SUPT3H: variants seen among roughly 807,000 people sequenced by gnomAD.
The protein encoded by SUPT3H is transcription initiation protein SPT3 homolog.
A neutral mutation model predicts 44.3 loss-of-function variants in SUPT3H; 44 were observed. The observed-to-expected ratio is 0.99, with a 90% CI of 0.78 to 1.28. The LOEUF is 1.28. SUPT3H is among the 50% of genes most tolerant of loss of function. The probability of loss-of-function intolerance (pLI) is 0.00; values close to 1 mark genes in which losing one functional copy is unlikely to be tolerated. For synonymous variants in SUPT3H, 124 were observed against 125.6 expected (o/e 0.99, Z 0.09); for missense variants, 380 against 387.1 (o/e 0.98, Z 0.15).
intron 10 of SUPT3H, among the ~76,000 whole-genome samples, chr6:44,901,257 A>T (rs899276218): frequency 1.3e-5 from 2 of 152,206 alleles, no homozygotes; most frequent in African/African-American, 4.8e-5. Flanking sequence ...CCCATGGCAA[A>T]GAAATTAAAA....
intron 2 of SUPT3H, among the ~76,000 whole-genome samples, chr6:45,120,930 T>C (rs1038668138): frequency 1.3e-5 from 2 of 152,088 alleles, no homozygotes; most frequent in Non-Finnish European, 2.9e-5. Context: ...ATTAGAACAA[T>C]AATATTAGAA....
intron 10 of SUPT3H, among the ~76,000 whole-genome samples, chr6:44,917,760 G>A (rs769693651): frequency 6.6e-6 from 1 of 152,176 alleles, no homozygotes; most frequent in Non-Finnish European, 1.5e-5. Flanking sequence ...ACTGAGAGCT[G>A]TGTAATCCAA....
intron 2 of SUPT3H, among the ~76,000 whole-genome samples, chr6:45,198,233 C>A (rs1816409978): frequency 1.3e-5 from 2 of 151,224 alleles, no homozygotes; most frequent in Non-Finnish European, 3.0e-5. Flanking sequence ...AATACATATT[C>A]TAGTGATGCA....
At chr6:45,161,678 C>G (rs1027748641) in intron 2 of SUPT3H, among the ~76,000 whole-genome samples, 5 of 152,160 alleles carry the variant, frequency 3.3e-5, no homozygotes, top group African/African-American at 9.7e-5. Flanking sequence ...GCTGACCACT[C>G]AACACACACA....
chr6:45,085,327 T>C lies in SUPT3H; in HGVS notation c.186+20595A>G, dbSNP rs574824075. On this transcript the variant is annotated intron_variant, in intron 3 of 10. Transcript: ENST00000371459. ...AAGTATTTATATACATTTTTGCTAT[T>C]GCTGGAATTTTTATTCAACATAAAT... 6.0e-4 allele frequency among the ~76,000 whole-genome samples: 91 copies of C among 152,248 alleles called. 1 individual carries two copies. Among genetic ancestry groups the C allele is most frequent in the African/African-American group, 2.1e-3 (86 of 41,556 alleles).
intron 3 of SUPT3H, among the ~76,000 whole-genome samples, chr6:45,056,737 A>C (rs1165289485): frequency 2.0e-5 from 3 of 152,174 alleles, no homozygotes; most frequent in African/African-American, 7.2e-5. Flanking sequence ...AAGAGTATAC[A>C]TTGGGGAAAG....
chr6:45,223,023 C>T (rs1489782331), intron 2 of SUPT3H, among the ~76,000 whole-genome samples: 1 of 151,860 alleles, frequency 6.6e-6, no homozygotes, highest in African/African-American at 2.4e-5. Flanking sequence ...CAGTGTTTGC[C>T]ATGGGATAGG....
At chr6:45,348,102 G>T in intron 2 of SUPT3H, among the ~76,000 whole-genome samples, 1 of 151,906 alleles carries the variant, frequency 6.6e-6, no homozygotes, top group Non-Finnish European at 1.5e-5. Context: ...TAGTTTTTAC[G>T]TTAAAAGCAG....
chr6:45,352,372 G>A (rs1325561020), intron 2 of SUPT3H, among the ~76,000 whole-genome samples: 1 of 152,020 alleles, frequency 6.6e-6, no homozygotes, highest in East Asian at 1.9e-4. Flanking sequence ...AGTTTTCCTA[G>A]TTTATGAACT....
At chr6:45,020,930 G>A (rs984704862) in intron 3 of SUPT3H, among the ~76,000 whole-genome samples, 1 of 151,792 alleles carries the variant, frequency 6.6e-6, no homozygotes, top group Non-Finnish European at 1.5e-5. Flanking sequence ...ACCTGAAAAT[G>A]ATTTCATGAA....
chr6:44,835,229 C>G (rs952122567), intron 10 of SUPT3H, among the ~76,000 whole-genome samples: 6 of 152,034 alleles, frequency 3.9e-5, no homozygotes, highest in Non-Finnish European at 5.9e-5. Context: ...CTGCGTGGAG[C>G]TGTTTGGAGT....
At chr6:44,810,779 G>T (rs1766461314) in intron 11 of SUPT3H, among the ~76,000 whole-genome samples, 1 of 152,032 alleles carries the variant, frequency 6.6e-6, no homozygotes, top group Admixed American at 6.6e-5. Context: ...GGTGGCACAT[G>T]CCTGTAGTCC....
intron 4 of SUPT3H, among the ~76,000 whole-genome samples, chr6:45,019,326 G>T (rs923521139): frequency 6.6e-6 from 1 of 151,764 alleles, no homozygotes; most frequent in Non-Finnish European, 1.5e-5. Flanking sequence ...TTTTTGAAGG[G>T]TTTTTTTGTG....
rs1220271261 is a variant in SUPT3H at position 45,128,549 on chromosome 6, TATATATATAC to T, written c.102-22553_102-22544del. 4.0e-3 allele frequency among the ~76,000 whole-genome samples: 267 copies of T among 65,990 alleles called. 2 individuals are homozygous for T. The highest frequency in any genetic ancestry group is 5.7e-3 in the Non-Finnish European group (216 of 37,694). 43.3% of individuals were successfully genotyped at this position (65,990 alleles called of 152,430 possible). A position where few individuals can be genotyped will look rare whatever the true frequency, so the allele number is the denominator to read the frequency against. On this transcript the variant is annotated intron_variant, in intron 2 of 10. Coordinates refer to ENST00000371459, the MANE Select transcript of SUPT3H (RefSeq NM_003599.4). ...AAAAAAAAAAATATATATATATATA[TATATATATAC>T]ACACACACACACACACACACACACA...
At chr6:45,160,331 C>T (rs1285493200) in intron 2 of SUPT3H, among the ~76,000 whole-genome samples, 1 of 152,030 alleles carries the variant, frequency 6.6e-6, no homozygotes, top group Non-Finnish European at 1.5e-5. Flanking sequence ...TCACAGTAGT[C>T]GTATAACAGT....
chr6:45,291,931 A>G (rs1291375707), intron 2 of SUPT3H, among the ~76,000 whole-genome samples: 2 of 152,210 alleles, frequency 1.3e-5, no homozygotes, highest in Non-Finnish European at 2.9e-5. Context: ...TAGAAGAAGC[A>G]AAAGGAACAC....
chr6:45,018,287 T>C (rs1784605649), intron 4 of SUPT3H, among the ~76,000 whole-genome samples: 1 of 152,162 alleles, frequency 6.6e-6, no homozygotes, highest in Admixed American at 6.6e-5. Context: ...TCATGTCGTC[T>C]GCAAACAGGG....
At chr6:45,371,254 T>C (rs1053760037) in intron 1 of SUPT3H, among the ~76,000 whole-genome samples, 2 of 152,174 alleles carry the variant, frequency 1.3e-5, no homozygotes, top group African/African-American at 2.4e-5. Flanking sequence ...GCATTAAACA[T>C]AAACAATTTA....
chr6:45,282,674 CAGA>C (rs1264716826), intron 2 of SUPT3H, among the ~76,000 whole-genome samples: 1 of 152,132 alleles, frequency 6.6e-6, no homozygotes, highest in Non-Finnish European at 1.5e-5. Context: ...GGATATTATC[CAGA>C]AGAACTTCCC....
Sources: allele counts gnomAD v4.1 joint callset (sites outside exome capture counted in the v4.1 genomes callset), GRCh38; gene constraint gnomAD v4.1.1; transcripts MANE v1.5; gene names NCBI Gene and HGNC (gene_info 2026-07-23, HGNC 2026-07-21).